TMC1: variants seen among roughly 807,000 people sequenced by gnomAD.
TMC1 encodes the protein transmembrane channel-like protein 1.
TMC1 carries 84 observed loss-of-function variants against 105.8 expected under a neutral mutation model. The ratio of observed to expected loss-of-function variants is 0.79; its 90% confidence interval spans 0.67 to 0.95. The LOEUF is 0.95. TMC1 is among the 40% of genes least tolerant of loss of function. The pLI, the probability that TMC1 is intolerant of heterozygous loss-of-function variation, is 0.00. For missense variants in TMC1, 817 were observed against 914.1 expected (o/e 0.89, Z 1.37); for synonymous variants, 315 against 311.5 (o/e 1.01, Z -0.12).
intron 5 of TMC1, among the ~76,000 whole-genome samples, chr9:72,685,950 T>C (rs1263631134): frequency 6.6e-6 from 1 of 152,168 alleles, no homozygotes; most frequent in East Asian, 1.9e-4. Context: ...ACTTTCAGCA[T>C]TATAGATTTA....
chr9:72,789,647 A>G (rs1828231904), intron 15 of TMC1, among the ~76,000 whole-genome samples: 1 of 152,242 alleles, frequency 6.6e-6, no homozygotes, highest in Non-Finnish European at 1.5e-5. Context: ...TTAGGAGAAG[A>G]GTCAGGGTGA....
In TMC1 at chr9:72,789,302, G is replaced by C. The variant is rs773851192; in HGVS notation, c.1209G>C (p.Trp403Cys). The C allele has an allele frequency of 1.2e-6, 2 of 1,613,962 alleles. No homozygotes were observed. The highest frequency in any genetic ancestry group is 1.7e-6 in the Non-Finnish European group (2 of 1,179,878). The change falls in exon 15 of 24, where the codon TGG becomes TGC. Residue 403 changes from tryptophan (W) to cysteine (C), a missense_variant. Physicochemically the swap from Trp to Cys is radical, Grantham distance 215 (BLOSUM62 -2). Coordinates refer to ENST00000297784, the MANE Select transcript of TMC1 (RefSeq NM_138691.3). ...AGCAAGATCCTGACACCCTTGGGTG[G>C]TGGGAAAAAAATGAAGTTCGTCTCT... ...FAQQDPDTLG[W>C]WEKNEMNMVM...
At chr9:72,524,088 A>G (rs901007216) in intron 1 of TMC1, among the ~76,000 whole-genome samples, 1 of 152,190 alleles carries the variant, frequency 6.6e-6, no homozygotes, top group African/African-American at 2.4e-5. Context: ...ACTTGGTCCC[A>G]ACAGTTAATA....
chr9:72,613,231 A>G (rs988053564), intron 2 of TMC1, among the ~76,000 whole-genome samples: 1 of 151,320 alleles, frequency 6.6e-6, no homozygotes, highest in Non-Finnish European at 1.5e-5. Context: ...TCCCGGGTTC[A>G]AGCGATTCTC....
rs114078058 is a variant in TMC1 at position 72,666,024 on chromosome 9, A to G, written c.16+17360A>G. Among the ~76,000 whole-genome samples, 706 of 152,342 alleles carry G rather than the reference A, an allele frequency of 4.6e-3. 9 individuals carry two copies. Among genetic ancestry groups the G allele is most frequent in the African/African-American group, 0.015 (627 of 41,582 alleles). On this transcript the variant is annotated intron_variant, in intron 5 of 23. Transcript: ENST00000297784. ...AATGGAGGAGCTTGGGTTATGTGAA[A>G]AGCAGAGCTACCAGACTACATAAAT...
At chr9:72,574,107 G>A (rs1417336929) in intron 1 of TMC1, among the ~76,000 whole-genome samples, 1 of 152,180 alleles carries the variant, frequency 6.6e-6, no homozygotes, top group Admixed American at 6.5e-5. Context: ...CCATGTTCCT[G>A]CAAAAGCCAT....
chr9:72,566,706 C>A (rs192933052), intron 1 of TMC1, among the ~76,000 whole-genome samples: 9 of 152,324 alleles, frequency 5.9e-5, no homozygotes, highest in Admixed American at 5.9e-4. Context: ...ATTTAGCCTA[C>A]AGCTTTATGC....
intron 10 of TMC1, among the ~76,000 whole-genome samples, chr9:72,748,699 T>C (rs536867195): frequency 1.3e-5 from 2 of 152,282 alleles, no homozygotes; most frequent in Admixed American, 6.5e-5. Context: ...ATAAAAGGGA[T>C]AAAGAGGGAA....
chr9:72,647,008 G>A (rs1224552502), intron 4 of TMC1, among the ~76,000 whole-genome samples: 3 of 151,874 alleles, frequency 2.0e-5, no homozygotes, highest in African/African-American at 7.3e-5. Context: ...CCGGTGTGGT[G>A]GCGGGTGCCT....
chr9:72,724,135 A>C (rs1213657102), intron 8 of TMC1, among the ~76,000 whole-genome samples: 1 of 152,206 alleles, frequency 6.6e-6, no homozygotes, highest in East Asian at 1.9e-4. Flanking sequence ...TTTAATTAGC[A>C]AGAATTTAAA....
chr9:72,693,280 C>T (rs1339842959), intron 6 of TMC1, among the ~76,000 whole-genome samples: 1 of 151,932 alleles, frequency 6.6e-6, no homozygotes, highest in East Asian at 1.9e-4. Flanking sequence ...ATGACTCACA[C>T]GTATGTGAAA....
At chr9:72,788,995 A>C (rs1173904353) in intron 14 of TMC1, 128 bp from the exon 15 acceptor site, 1 of 910,976 alleles carries the variant, frequency 1.1e-6, no homozygotes, top group African/African-American at 1.7e-5. Context: ...TCTCAGATTT[A>C]GTTTACATTG....
At chr9:72,583,755 C>G (rs1370528943) in intron 2 of TMC1, among the ~76,000 whole-genome samples, 6 of 152,198 alleles carry the variant, frequency 3.9e-5, no homozygotes, top group African/African-American at 1.2e-4. Flanking sequence ...TATATCTGGA[C>G]TCTTCCTTTC....
intron 5 of TMC1, among the ~76,000 whole-genome samples, chr9:72,656,603 T>C (rs978865033): frequency 2.0e-5 from 3 of 152,204 alleles, no homozygotes; most frequent in Admixed American, 1.3e-4. Context: ...TTTCTATTGA[T>C]TGATTTGATT....
intron 1 of TMC1, among the ~76,000 whole-genome samples, chr9:72,545,689 T>C (rs1461729446): frequency 1.3e-5 from 2 of 152,060 alleles, no homozygotes; most frequent in African/African-American, 4.8e-5. Flanking sequence ...GGTTTCACCA[T>C]GTTCGCCAGG....
At chr9:72,595,196 G>T (rs1426317314) in intron 2 of TMC1, among the ~76,000 whole-genome samples, 1 of 152,106 alleles carries the variant, frequency 6.6e-6, no homozygotes, top group Non-Finnish European at 1.5e-5. Flanking sequence ...TGCTGCTACC[G>T]ATAGACTTAC....
chr9:72,597,105 C>A (rs1239489709), intron 2 of TMC1, among the ~76,000 whole-genome samples: 1 of 152,168 alleles, frequency 6.6e-6, no homozygotes, highest in Non-Finnish European at 1.5e-5. Context: ...ATGTGGGAGA[C>A]TTTTTAGATG....
At position 72,693,830 on chromosome 9, in the gene TMC1, C is replaced by T. The variant is rs563765317; in HGVS notation, c.65-713C>T. Among the ~76,000 whole-genome samples the T allele has an allele frequency of 3.3e-5, 5 of 152,166 alleles. No individual in the cohort carries two copies. The East Asian group carries it at 9.6e-4, about 29-fold the overall frequency. On this transcript the variant is annotated intron_variant, in intron 6 of 23. Coordinates refer to ENST00000297784, the MANE Select transcript of TMC1 (RefSeq NM_138691.3). ...GAAGCATCCTAAAAAGTTATGAACA[C>T]ATGAGGCATTCATTGTTGTTGATGA...
At chr9:72,786,867 A>G (rs2118172446) in intron 13 of TMC1, among the ~76,000 whole-genome samples, 1 of 152,224 alleles carries the variant, frequency 6.6e-6, no homozygotes, top group East Asian at 1.9e-4. Flanking sequence ...ACTCCATTCA[A>G]AACTTATCTG....
Sources: gnomAD v4.1 joint callset for allele counts (sites outside exome capture counted in the v4.1 genomes callset) on GRCh38, gnomAD v4.1.1 for gene constraint, MANE v1.5 for transcripts, NCBI Gene and HGNC (gene_info 2026-07-23, HGNC 2026-07-21) for gene names.